Variants in LRRC1 observed in about 807,000 individuals in gnomAD.
The protein encoded by LRRC1 is leucine rich repeat containing 1, also known as leucine-rich repeat-containing protein 1.
In LRRC1, 28 loss-of-function variants were observed where a neutral mutation model predicts 69.9. That is an observed-to-expected ratio of 0.40 (90% CI 0.30 to 0.55). LRRC1 has a LOEUF of 0.55. Ranked by LOEUF, LRRC1 falls within the 20% of genes least tolerant of loss-of-function variation. The pLI is 0.47. For missense variants in LRRC1, 498 were observed against 609.0 expected (o/e 0.82, Z 1.92); for synonymous variants, 236 against 240.2 (o/e 0.98, Z 0.16).
At chr6:53,825,419 G>A (rs990527220) in intron 1 of LRRC1, among the ~76,000 whole-genome samples, 3 of 152,192 alleles carry the variant, frequency 2.0e-5, no homozygotes, top group Non-Finnish European at 4.4e-5. Context: ...AGACTGGGGC[G>A]CCATGTCAGC....
chr6:53,904,713 G>T, intron 10 of LRRC1: 1 of 240,352 alleles, frequency 4.2e-6, no homozygotes, highest in Admixed American at 5.5e-5. Flanking sequence ...TGACATTTTG[G>T]GTTTGATATA....
At chr6:53,920,567 A>G in intron 12 of LRRC1, 58 bp from the exon 13 acceptor site, 4 of 1,605,908 alleles carry the variant, frequency 2.5e-6, no homozygotes, top group Non-Finnish European at 3.4e-6. Context: ...CAAAGTTCAT[A>G]GCATTTACTG....
At chr6:53,797,689 C>G (rs113231270) in intron 1 of LRRC1, among the ~76,000 whole-genome samples, 2 of 152,296 alleles carry the variant, frequency 1.3e-5, no homozygotes, top group Non-Finnish European at 2.9e-5. Context: ...GCCGGTACCC[C>G]TTACCAGGGC....
At chr6:53,899,625 C>A in intron 7 of LRRC1, 122 bp from the exon 8 acceptor site, 2 of 881,296 alleles carry the variant, frequency 2.3e-6, no homozygotes, top group Non-Finnish European at 3.4e-6. Context: ...CATTTGGATT[C>A]ATGCTAAAGA....
At chr6:53,809,771 A>G (rs907760977) in intron 1 of LRRC1, among the ~76,000 whole-genome samples, 25 of 152,230 alleles carry the variant, frequency 1.6e-4, no homozygotes, top group African/African-American at 6.0e-4. Flanking sequence ...CTAGAGAGAC[A>G]GAGGAATGTA....
At chr6:53,896,399 T>C (rs913353280) in intron 4 of LRRC1, 99 bp from the exon 5 acceptor site, 2 of 953,660 alleles carry the variant, frequency 2.1e-6, no homozygotes, top group Non-Finnish European at 3.4e-6. Flanking sequence ...TAGGTTTTAT[T>C]AAGTGTTGCA....
intron 2 of LRRC1, among the ~76,000 whole-genome samples, chr6:53,875,013 C>T (rs1767018657): frequency 6.6e-6 from 1 of 152,116 alleles, no homozygotes. Flanking sequence ...ATACAATTGG[C>T]ATTTTTTAAA....
chr6:53,816,203 A>G (rs1764946482), intron 1 of LRRC1, among the ~76,000 whole-genome samples: 1 of 152,114 alleles, frequency 6.6e-6, no homozygotes, highest in African/African-American at 2.4e-5. Flanking sequence ...TTTATTAGGT[A>G]TTTTTAGTTT....
rs3222575 is a variant in LRRC1, at chr6:53,851,173, GACACACAC to G, written c.277+8971_277+8978del. Among the ~76,000 whole-genome samples the G allele has an allele frequency of 2.4e-3, 342 of 144,776 alleles. 5 individuals carry two copies. In the East Asian group the frequency reaches 0.042, roughly 18 times the overall value. The allele number at this position is 144,776 out of a possible 152,430, so 95.0% of individuals were successfully genotyped here. A position where few individuals can be genotyped will look rare whatever the true frequency, so the allele number is the denominator to read the frequency against. ...GTCTCCAGGGAAACAGAACTAATAG[GACACACAC>G]ACACACACACACACACACACACACG... On this transcript the variant is annotated intron_variant, in intron 2 of 13. Transcript: ENST00000370888.
At chr6:53,899,985 A>G in intron 8 of LRRC1, 94 bp downstream of exon 8, 3 of 761,926 alleles carry the variant, frequency 3.9e-6, no homozygotes, top group South Asian at 4.1e-5. Context: ...CCACTTTCAG[A>G]TGCTGAGGAT....
chr6:53,899,739 T>C lies in LRRC1; in HGVS notation c.643-8T>C. On this transcript the variant is annotated splice_region_variant and splice_polypyrimidine_tract_variant and intron_variant, in intron 7 of 13. Transcript: ENST00000370888. The stretch of plus-strand genomic sequence containing the variant: ...GTGTGCGTTTATTTTTCCATGTCAT[T>C]GTTATAGGAAATAGGAAATCTGAAG... The C allele has an allele frequency of 6.2e-7, 1 of 1,612,520 alleles. No individual in the cohort carries two copies.
chr6:53,877,465 TC>T (rs1290504007), intron 2 of LRRC1, among the ~76,000 whole-genome samples: 1 of 152,208 alleles, frequency 6.6e-6, no homozygotes, highest in East Asian at 1.9e-4. Context: ...TGTTTTTTTT[TC>T]TATCATGTTG....
At chr6:53,903,673 C>T (rs944547351) in intron 9 of LRRC1, among the ~76,000 whole-genome samples, 2 of 152,094 alleles carry the variant, frequency 1.3e-5, no homozygotes, top group Admixed American at 6.5e-5. Flanking sequence ...GGATGGAGTG[C>T]ACAGATGTGG....
chr6:53,795,483 T>C, intron 1 of LRRC1, 68 bp downstream of exon 1: 2 of 1,469,234 alleles, frequency 1.4e-6, no homozygotes, highest in Non-Finnish European at 1.8e-6. Context: ...CCATCCTCTC[T>C]CGTCCCCTCT....
Position 53,795,120 on chromosome 6 carries a change from C to A in LRRC1, c.-137C>A. ...AAGCACTTCCGACCGCGAAGCCCGG[C>A]GCGAGAAGCGAGCTAACCCAAGAGC... On this transcript the variant is annotated 5_prime_UTR_variant, in exon 1 of 14. Coordinates refer to ENST00000370888, the MANE Select transcript of LRRC1 (RefSeq NM_018214.5). 1 of 747,820 alleles carries A rather than the reference C, an allele frequency of 1.3e-6. No homozygotes were observed. The highest frequency in any genetic ancestry group is 2.0e-6 in the Non-Finnish European group (1 of 488,942). The allele number at this position is 747,820 out of a possible 1,614,324, so 46.3% of individuals were successfully genotyped here.
At chr6:53,809,884 G>A (rs1013544886) in intron 1 of LRRC1, among the ~76,000 whole-genome samples, 1 of 152,210 alleles carries the variant, frequency 6.6e-6, no homozygotes, top group African/African-American at 2.4e-5. Flanking sequence ...TGAAGGTAGG[G>A]GCAGTGCTGG....
intron 10 of LRRC1, among the ~76,000 whole-genome samples, chr6:53,909,179 C>A (rs1414327833): frequency 1.3e-5 from 2 of 152,186 alleles, no homozygotes; most frequent in East Asian, 3.8e-4. Context: ...AGGCATGGTG[C>A]CAAGGGCTTT....
chr6:53,906,883 C>A (rs1768257710), intron 10 of LRRC1, among the ~76,000 whole-genome samples: 1 of 152,200 alleles, frequency 6.6e-6, no homozygotes, highest in South Asian at 2.1e-4. Flanking sequence ...TTTTCTAGAT[C>A]ACCTCCTACT....
chr6:53,904,557 ATG>A (rs762358731), intron 10 of LRRC1, 95 bp downstream of exon 10: 57 of 825,358 alleles, frequency 6.9e-5, no homozygotes, highest in Non-Finnish European at 1.0e-4. Context: ...GAAAAGACGC[ATG>A]TGTTGTTTTT....
Sources: allele counts gnomAD v4.1 joint callset (sites outside exome capture counted in the v4.1 genomes callset), GRCh38; gene constraint gnomAD v4.1.1; transcripts MANE v1.5; gene names NCBI Gene and HGNC (gene_info 2026-07-23, HGNC 2026-07-21).